Variants in ZNF48 observed in about 807,000 individuals in gnomAD.
The protein encoded by ZNF48 is zinc finger protein 553.
Under a neutral mutation model 40.0 loss-of-function variants are expected in ZNF48, and 20 were observed. The observed-to-expected ratio is 0.50, with a 90% CI of 0.35 to 0.73. The LOEUF (loss-of-function observed/expected upper bound fraction) is 0.73, where lower values mean the gene tolerates loss of function less well. Ranked by LOEUF, ZNF48 falls within the 30% of genes least tolerant of loss-of-function variation. The probability of loss-of-function intolerance (pLI) is 0.01; values close to 1 mark genes in which losing one functional copy is unlikely to be tolerated. For missense variants in ZNF48, 726 were observed against 851.9 expected, an observed-to-expected ratio of 0.85 and a Z score of 1.84; for synonymous variants, 298 against 329.7, an observed-to-expected ratio of 0.90 and a Z score of 1.04.
chr16:30,400,057 T>C lies in ZNF48; in HGVS notation c.*950T>C, dbSNP rs1465910006. 6.6e-6 allele frequency: 1 copy of C among 152,194 alleles called. No individual in the cohort carries two copies. The highest frequency in any genetic ancestry group is 1.5e-5 in the Non-Finnish European group (1 of 68,050). 9.4% of individuals were successfully genotyped at this position (152,194 alleles called of 1,614,324 possible). ...CGCAAAACTCAGACTGTAAATTTTG[T>C]GTGCTTCCCTTGCTCTCTGAGCCCA... On this transcript the variant is annotated 3_prime_UTR_variant, in exon 3 of 3. Transcript: ENST00000613509.
Position 30,395,927 on chromosome 16 carries a change from C to G in ZNF48, c.79+54C>G. The G allele has an allele frequency of 7.0e-7, 1 of 1,434,544 alleles. No individual in the cohort carries two copies. The allele number at this position is 1,434,544 out of a possible 1,614,324, so 88.9% of individuals were successfully genotyped here. A position where few individuals can be genotyped will look rare whatever the true frequency, so the allele number is the denominator to read the frequency against. ...GACAGGTAACGGCCGGTGGGGACTG[C>G]GATGCTTGGCTGTGGCCGGCCGAGA... On this transcript the variant is annotated intron_variant, in intron 2 of 2. Coordinates refer to ENST00000613509, the MANE Select transcript of ZNF48 (RefSeq NM_001214909.2). The surrounding 1 kb of genome is among the most constrained non-coding windows in gnomAD (Gnocchi z 5.9).
Position 30,381,622 on chromosome 16 carries a change from A to G in ZNF48, c.-16+3212A>G. The G allele has an allele frequency of 2.0e-6, 3 of 1,480,694 alleles. No homozygotes were observed. In the African/African-American group the frequency reaches 4.2e-5, roughly 21 times the overall value. 91.7% of individuals were successfully genotyped at this position (1,480,694 alleles called of 1,614,324 possible). On this transcript the variant is annotated intron_variant, in intron 1 of 2. Transcript: ENST00000528032. The surrounding 1 kb of genome is among the most constrained non-coding windows in gnomAD (Gnocchi z 4.3). ...TGGTGGGGGCCTAGGTGAGTCATCAAGAAGCACAGGGACCCAGTGGCCCTC... is the reference window on the plus strand; with the variant it reads ...TGGTGGGGGCCTAGGTGAGTCATCAGGAAGCACAGGGACCCAGTGGCCCTC...
rs2151119878 is a variant in ZNF48 at position 30,399,524 on chromosome 16, A to C, written c.*417A>C. 6.3e-6 allele frequency: 1 copy of C among 158,718 alleles called. No individual in the cohort carries two copies. The highest frequency in any genetic ancestry group is 1.4e-5 in the Non-Finnish European group (1 of 72,374). 9.8% of individuals were successfully genotyped at this position (158,718 alleles called of 1,614,324 possible). ...GAGGTGGGAGAATCACTTGAGCCCA[A>C]AAGTTTGAGGCTGCAGTGAGCTGAT... On this transcript the variant is annotated 3_prime_UTR_variant, in exon 3 of 3. Transcript: ENST00000613509.
upstream of ZNF48, among the ~76,000 whole-genome samples, chr16:30,390,869 C>T (rs886860968): frequency 6.6e-5 from 10 of 151,882 alleles, no homozygotes; most frequent in African/African-American, 9.7e-5. Flanking sequence ...CGTGATCTGC[C>T]CACCTCAGCC....
At chr16:30,386,326 ACAAC>A (rs2049900312) in intron 1 of ZNF48, among the ~76,000 whole-genome samples, 1 of 152,182 alleles carries the variant, frequency 6.6e-6, no homozygotes, top group Non-Finnish European at 1.5e-5. Flanking sequence ...TGTTTATTGT[ACAAC>A]CAACACATGT....
intron 1 of ZNF48, among the ~76,000 whole-genome samples, chr16:30,386,931 C>T (rs901457909): frequency 1.3e-5 from 2 of 148,996 alleles, no homozygotes; most frequent in African/African-American, 4.9e-5. Context: ...TGAGCCACTG[C>T]ACCTGGCCTT....
chr16:30,380,808 T>A, intron 1 of ZNF48: 1 of 377,192 alleles, frequency 2.7e-6, no homozygotes, highest in Non-Finnish European at 4.9e-6. Flanking sequence ...GAGAGAGATA[T>A]AAGCAGAAAC....
intron 1 of ZNF48, among the ~76,000 whole-genome samples, chr16:30,383,346 G>A (rs1000626290): frequency 6.6e-6 from 1 of 152,106 alleles, no homozygotes; most frequent in South Asian, 2.1e-4. Context: ...CTGCTACCGC[G>A]CCTGGCTAAT....
rs1464823259 is a variant in ZNF48, at chr16:30,382,216, G to A, written c.-16+3806G>A. On this transcript the variant is annotated intron_variant, in intron 1 of 2. Transcript: ENST00000528032. This position sits in a 1 kb window ranked among gnomAD's most constrained non-coding sequence, Gnocchi z 4.8. ...ACAGGCCCAACTGGTCAGGGGAGGG[G>A]ACAGCCAGGGCCTCCTAAGGACATC... 6.2e-7 allele frequency: 1 copy of A among 1,612,766 alleles called. No individual in the cohort carries two copies. The highest frequency in any genetic ancestry group is 8.5e-7 in the Non-Finnish European group (1 of 1,178,882).
In ZNF48 at chr16:30,395,650, C is replaced by A; in HGVS notation, c.-16+72C>A. On this transcript the variant is annotated intron_variant, in intron 1 of 2. Coordinates refer to ENST00000613509, the MANE Select transcript of ZNF48 (RefSeq NM_001214909.2). This position sits in a 1 kb window ranked among gnomAD's most constrained non-coding sequence, Gnocchi z 5.9. ...GGCCGGCGGCGCGGGCAGGGGGCAC[C>A]GGGAGCCGCGCCCGTACCTGGGACC... The A allele has an allele frequency of 1.6e-6, 1 of 633,456 alleles. No individual in the cohort carries two copies. Among genetic ancestry groups the A allele is most frequent in the Non-Finnish European group, 2.1e-6 (1 of 469,352 alleles). The allele number at this position is 633,456 out of a possible 1,614,324, so 39.2% of individuals were successfully genotyped here.
rs1398270634 is a variant in ZNF48 at position 30,381,283 on chromosome 16, C to T, written c.-16+2873C>T. ...TTGGTCATTGCCCAGCCTCAGGGGG[C>T]AGAGACCCCCCAGCCCTCCCTAAAT... is the stretch of plus-strand genomic sequence containing the variant. On this transcript the variant is annotated intron_variant, in intron 1 of 2. Coordinates refer to the ZNF48 transcript ENST00000528032. This position sits in a 1 kb window ranked among gnomAD's most constrained non-coding sequence, Gnocchi z 4.3. 1 of 1,612,072 alleles carries T rather than the reference C, an allele frequency of 6.2e-7. No homozygotes were observed. The highest frequency in any genetic ancestry group is 8.5e-7 in the Non-Finnish European group (1 of 1,178,214).
At chr16:30,379,054 A>G (rs2049799741) in intron 1 of ZNF48, 1 of 1,613,806 alleles carries the variant, frequency 6.2e-7, no homozygotes, top group East Asian at 2.2e-5. Flanking sequence ...AGGCCGGGCC[A>G]GGCTCTGTAG....
chr16:30,390,706 C>G (rs1436627294), upstream of ZNF48, among the ~76,000 whole-genome samples: 1 of 147,864 alleles, frequency 6.8e-6, no homozygotes, highest in African/African-American at 2.5e-5. Context: ...CTGCAAGCTC[C>G]GCCTCCTGGG....
chr16:30,382,007 C>T lies in ZNF48; in HGVS notation c.-16+3597C>T. 6.2e-7 allele frequency: 1 copy of T among 1,601,262 alleles called. No individual in the cohort carries two copies. Among genetic ancestry groups the T allele is most frequent in the Admixed American group, 1.7e-5 (1 of 59,278 alleles). On this transcript the variant is annotated intron_variant, in intron 1 of 2. Coordinates refer to the ZNF48 transcript ENST00000528032. The surrounding 1 kb of genome is among the most constrained non-coding windows in gnomAD (Gnocchi z 4.8). ...AGGAAAGTCTCAGAAAAAAAGCAGTCAACTACCTGAGTCCCCAGATGGAAA... is the reference window on the plus strand; with the variant it reads ...AGGAAAGTCTCAGAAAAAAAGCAGTTAACTACCTGAGTCCCCAGATGGAAA...
At position 30,398,562 on chromosome 16, in the gene ZNF48, G is replaced by A. The variant is rs746347254; in HGVS notation, c.1312G>A (p.Ala438Thr). The A allele has an allele frequency of 4.3e-6, 7 of 1,611,090 alleles. No individual in the cohort carries two copies. The highest frequency in any genetic ancestry group is 1.7e-5 in the Admixed American group (1 of 59,950). The stretch of plus-strand genomic sequence containing the variant: ...GGAGCCAGAGCCTGGGGGCCCACAG[G>A]CTGGGGAGCCACCCCCACCACTGGC... Reference protein sequence around the residue: ...GLEPEPGGPQAGEPPPPLAGD... With the variant: ...GLEPEPGGPQTGEPPPPLAGD... Residue 438 changes from alanine (A) to threonine (T), a missense_variant, in exon 3 of 3, where the codon GCT becomes ACT. Around this residue, in one of 5 missense-constraint regions of ZNF48, gnomAD observed 378 missense variants for 449.1 expected, o/e 0.84. Coordinates refer to ENST00000613509, the MANE Select transcript of ZNF48 (RefSeq NM_001214909.2). This position sits in a 1 kb window ranked among gnomAD's most constrained non-coding sequence, Gnocchi z 6.6.
upstream of ZNF48, chr16:30,395,402 C>G (rs1272568894): frequency 5.3e-6 from 2 of 376,816 alleles, no homozygotes; most frequent in Non-Finnish European, 1.0e-5. This position sits in a 1 kb window ranked among gnomAD's most constrained non-coding sequence, Gnocchi z 5.9. Context: ...CGTGCGGCCC[C>G]GCGCTTCCGC....
chr16:30,389,390 C>CA (rs1230191284), intron 1 of ZNF48, among the ~76,000 whole-genome samples: 46 of 121,284 alleles, frequency 3.8e-4, no homozygotes, highest in Middle Eastern at 5.2e-3. Context: ...GACTCCATCT[C>CA]AAAAAAAAAA....
At chr16:30,389,604 C>T (rs1000065551) in intron 1 of ZNF48, among the ~76,000 whole-genome samples, 2 of 148,608 alleles carry the variant, frequency 1.3e-5, no homozygotes, top group East Asian at 3.9e-4. Context: ...CTTGCTTGGT[C>T]ATTGTGTTAA....
intron 2 of ZNF48, among the ~76,000 whole-genome samples, chr16:30,396,819 G>A (rs936998067): frequency 6.6e-6 from 1 of 150,644 alleles, no homozygotes; most frequent in Non-Finnish European, 1.5e-5. Context: ...CCTCCCAGTA[G>A]CTGGGACTAC....
Sources: gnomAD v4.1 joint callset for allele counts (sites outside exome capture counted in the v4.1 genomes callset) on GRCh38, gnomAD v4.1.1 for gene constraint, gnomAD v4.1.1 regional missense constraint, Gnocchi (gnomAD v3.1) non-coding constraint, MANE v1.5 for transcripts, NCBI Gene and HGNC (gene_info 2026-07-23, HGNC 2026-07-21) for gene names.